CNTNAP2: variants seen among roughly 807,000 people sequenced by gnomAD.
CNTNAP2 encodes contactin-associated protein-like 2.
In CNTNAP2, 98 loss-of-function variants were observed where a neutral mutation model predicts 155.2. That is an observed-to-expected ratio of 0.63 (90% CI 0.54 to 0.75). The LOEUF is 0.75. Among genes scored for constraint, CNTNAP2 ranks in the 30% least tolerant of loss-of-function variants. CNTNAP2 has a pLI of 0.00. For missense variants in CNTNAP2, 1,727 were observed against 1,688.1 expected (o/e 1.02, Z -0.40); for synonymous variants, 651 against 631.2 (o/e 1.03, Z -0.47).
At chr7:147,979,209 C>T (rs549035139) in intron 15 of CNTNAP2, among the ~76,000 whole-genome samples, 2 of 152,104 alleles carry the variant, frequency 1.3e-5, no homozygotes, top group African/African-American at 2.4e-5. Context: ...GAAAATGCTA[C>T]CTGTAAAATT....
At chr7:147,131,549 C>T (rs1380158082) in intron 7 of CNTNAP2, among the ~76,000 whole-genome samples, 1 of 151,754 alleles carries the variant, frequency 6.6e-6, no homozygotes, top group Non-Finnish European at 1.5e-5. Flanking sequence ...ATTTTATCTC[C>T]ATTTAGCCCA....
chr7:147,737,988 T>G (rs1192972246), intron 13 of CNTNAP2, among the ~76,000 whole-genome samples: 3 of 152,242 alleles, frequency 2.0e-5, no homozygotes, highest in Non-Finnish European at 2.9e-5. Flanking sequence ...TGCCTTGCCC[T>G]GCTTCGGCTC....
At chr7:147,602,713 C>T (rs1399315793) in intron 12 of CNTNAP2, among the ~76,000 whole-genome samples, 1 of 148,264 alleles carries the variant, frequency 6.7e-6, no homozygotes, top group Non-Finnish European at 1.5e-5. Flanking sequence ...TTGTTCAATT[C>T]CCACCTATGA....
Position 147,598,699 on chromosome 7 carries a change from C to T in CNTNAP2, c.1897+36442C>T, listed in dbSNP as rs756097060. Among the ~76,000 whole-genome samples, 43 of 152,112 alleles carry T rather than the reference C, an allele frequency of 2.8e-4. 1 individual carries two copies. Among genetic ancestry groups the T allele is most frequent in the Non-Finnish European group, 4.4e-5 (3 of 68,028 alleles). ...GGGTGATATGGTTTGGCTGTGTCCC[C>T]ACCCAAATCTCATCTTGAATTGTAG... On this transcript the variant is annotated intron_variant, in intron 12 of 23. Transcript: ENST00000361727.
chr7:147,991,037 C>A (rs758148827), intron 15 of CNTNAP2, among the ~76,000 whole-genome samples: 1 of 152,022 alleles, frequency 6.6e-6, no homozygotes, highest in Non-Finnish European at 1.5e-5. Flanking sequence ...TGGCATGGAC[C>A]CAGGCATGGT....
chr7:147,500,173 T>A (rs1272742230), intron 11 of CNTNAP2, among the ~76,000 whole-genome samples: 1 of 151,686 alleles, frequency 6.6e-6, no homozygotes, highest in Admixed American at 6.6e-5. Flanking sequence ...AGCAATATGA[T>A]CTATCACTGA....
chr7:146,788,042 C>T (rs140994272), intron 2 of CNTNAP2, among the ~76,000 whole-genome samples: 200 of 152,332 alleles, frequency 1.3e-3, no homozygotes, highest in African/African-American at 4.6e-3. Flanking sequence ...CCCACCCTAC[C>T]GAGAAGCCCA....
At chr7:148,412,077 G>T (rs1264658483) in intron 23 of CNTNAP2, among the ~76,000 whole-genome samples, 1 of 151,818 alleles carries the variant, frequency 6.6e-6, no homozygotes, top group South Asian at 2.1e-4. Flanking sequence ...CGAGTAGCTG[G>T]GATTACAGGC....
At chr7:148,391,575 G>C (rs1158273256) in intron 22 of CNTNAP2, among the ~76,000 whole-genome samples, 1 of 152,164 alleles carries the variant, frequency 6.6e-6, no homozygotes, top group Non-Finnish European at 1.5e-5. Flanking sequence ...TTTTAGAACA[G>C]TAGTTACAAG....
chr7:148,078,460 AT>A (rs897953531), intron 15 of CNTNAP2, among the ~76,000 whole-genome samples: 28 of 151,918 alleles, frequency 1.8e-4, no homozygotes, highest in Non-Finnish European at 3.1e-4. Context: ...TATTTTTAAC[AT>A]TTTTTTTACA....
chr7:146,676,288 T>A (rs531851466), intron 1 of CNTNAP2, among the ~76,000 whole-genome samples: 38 of 152,296 alleles, frequency 2.5e-4, no homozygotes, highest in African/African-American at 9.1e-4. Flanking sequence ...TTGGCTATAG[T>A]GTTTCTCATG....
chr7:146,824,597 A>G (rs11982965), intron 2 of CNTNAP2, among the ~76,000 whole-genome samples: 28,266 of 152,030 alleles, frequency 0.19, 8,308 homozygotes, highest in African/African-American at 0.62. Flanking sequence ...GTGTGAGATG[A>G]GATCTCACTG....
chr7:147,000,493 A>G (rs1244742343), intron 3 of CNTNAP2, among the ~76,000 whole-genome samples: 1 of 152,106 alleles, frequency 6.6e-6, no homozygotes, highest in Non-Finnish European at 1.5e-5. Context: ...GTAGATACTT[A>G]TTCCAGTCTT....
intron 20 of CNTNAP2, among the ~76,000 whole-genome samples, chr7:148,235,688 T>A (rs1176047357): frequency 1.9e-4 from 28 of 147,386 alleles, no homozygotes; most frequent in African/African-American, 7.0e-4. Context: ...AGCAATTATT[T>A]TTTTTTTTTT....
intron 1 of CNTNAP2, among the ~76,000 whole-genome samples, chr7:146,157,595 C>A (rs749131987): frequency 9.2e-5 from 14 of 152,178 alleles, no homozygotes; most frequent in Non-Finnish European, 1.6e-4. Context: ...ATATCCCGTG[C>A]ATGGCTTGGA....
In CNTNAP2 at chr7:147,353,108, C is replaced by CGTAT. The variant is rs1563171398; in HGVS notation, c.1499-42501_1499-42500insGTAT. Among the ~76,000 whole-genome samples, 43 of 148,708 alleles carry CGTAT rather than the reference C, an allele frequency of 2.9e-4. 2 individuals are homozygous for CGTAT. The South Asian group carries it at 7.6e-3, about 26-fold the overall frequency. ...ATATATATATATAGACACACACACA[C>CGTAT]ATGTATATGTATATATACATACATA... On this transcript the variant is annotated intron_variant, in intron 9 of 23. Transcript: ENST00000361727.
intron 1 of CNTNAP2, among the ~76,000 whole-genome samples, chr7:146,466,957 A>G (rs559459111): frequency 4.2e-4 from 64 of 152,274 alleles, no homozygotes; most frequent in African/African-American, 1.5e-3. Flanking sequence ...CTTCAGTAAT[A>G]TATTTTTTAT....
In CNTNAP2 at chr7:146,148,073, A is replaced by T. The variant is rs1053282053; in HGVS notation, c.97+31100A>T. On this transcript the variant is annotated intron_variant, in intron 1 of 23. Coordinates refer to ENST00000361727, the MANE Select transcript of CNTNAP2 (RefSeq NM_014141.6). The stretch of plus-strand genomic sequence containing the variant: ...CAGGTTATCTAGTTATATTTTAAAG[A>T]TACCAAATTTGTTTAGTGCAGATTT... Among the ~76,000 whole-genome samples, 14 of 152,262 alleles carry T rather than the reference A, an allele frequency of 9.2e-5. No homozygotes were observed. In the South Asian group the frequency reaches 1.7e-3, roughly 18 times the overall value.
Position 147,750,555 on chromosome 7 carries a change from G to T in CNTNAP2, c.2098+111249G>T, listed in dbSNP as rs1169256330. Reference sequence around the variant, plus strand: ...ATTATGTAAGAACTTCTTTAGAAAGGTCTGTACTTCATAGGTGACTTTCCC... The same window carrying T: ...ATTATGTAAGAACTTCTTTAGAAAGTTCTGTACTTCATAGGTGACTTTCCC... On this transcript the variant is annotated intron_variant, in intron 13 of 23. Coordinates refer to ENST00000361727, the MANE Select transcript of CNTNAP2 (RefSeq NM_014141.6). Among the ~76,000 whole-genome samples the T allele has an allele frequency of 2.0e-5, 3 of 152,094 alleles. No homozygotes were observed. In the East Asian group the frequency reaches 5.8e-4, roughly 29 times the overall value.
Sources: allele counts gnomAD v4.1 joint callset (sites outside exome capture counted in the v4.1 genomes callset), GRCh38; gene constraint gnomAD v4.1.1; transcripts MANE v1.5; gene names NCBI Gene and HGNC (gene_info 2026-07-23, HGNC 2026-07-21).